Variants in NAALADL2 observed in about 807,000 individuals in gnomAD.
NAALADL2 encodes the protein inactive N-acetylated-alpha-linked acidic dipeptidase-like protein 2.
In NAALADL2, 76 loss-of-function variants were observed where a neutral mutation model predicts 87.2. That is an observed-to-expected ratio of 0.87 (90% CI 0.72 to 1.05). NAALADL2 has a LOEUF of 1.05. NAALADL2 is among the 50% of genes least tolerant of loss of function. The probability of loss-of-function intolerance (pLI) is 0.00; values close to 1 mark genes in which losing one functional copy is unlikely to be tolerated. For missense variants in NAALADL2, 1,089 were observed against 945.8 expected (o/e 1.15, Z -1.99); for synonymous variants, 354 against 331.0 (o/e 1.07, Z -0.75).
In NAALADL2 at chr3:175,279,622, G is replaced by A. The variant is rs1395458532; in HGVS notation, c.939+23092G>A. Among the ~76,000 whole-genome samples, 3 of 151,686 alleles carry A rather than the reference G, an allele frequency of 2.0e-5. No homozygotes were observed. The South Asian group carries it at 6.2e-4, about 32-fold the overall frequency. Reference sequence around the variant, plus strand: ...TTAATTCCTAGTTCAAACCATCTGGGCTTTTTTTATGGCAGTAGATATTAC... The same window carrying A: ...TTAATTCCTAGTTCAAACCATCTGGACTTTTTTTATGGCAGTAGATATTAC... On this transcript the variant is annotated intron_variant, in intron 4 of 13. Coordinates refer to ENST00000454872, the MANE Select transcript of NAALADL2 (RefSeq NM_207015.3).
At chr3:175,697,829 A>ATGTGTATTTATGTATACATATATATGTG (rs1394680940) in intron 11 of NAALADL2, among the ~76,000 whole-genome samples, 3 of 102,012 alleles carry the variant, frequency 2.9e-5, no homozygotes, top group African/African-American at 1.1e-4. Flanking sequence ...ATACATATAT[A>ATGTGTATTTATGTATACATATATATGTG]TGTGTATTTA....
rs144724317 is a variant in NAALADL2 at position 175,351,652 on chromosome 3, T to C, written c.1090+27327T>C. Among the ~76,000 whole-genome samples the C allele has an allele frequency of 1.7e-3, 260 of 152,162 alleles. 1 individual carries two copies. The highest frequency in any genetic ancestry group is 6.0e-3 in the African/African-American group (251 of 41,522). ...TGGACTGGCAGGAAAGCTGGTGAAT[T>C]TGCGTACGTGTGGCAATCAGTAGGT... On this transcript the variant is annotated intron_variant, in intron 5 of 13. Coordinates refer to ENST00000454872, the MANE Select transcript of NAALADL2 (RefSeq NM_207015.3).
At chr3:175,166,521 T>A (rs2108879273) in intron 2 of NAALADL2, among the ~76,000 whole-genome samples, 1 of 152,120 alleles carries the variant, frequency 6.6e-6, no homozygotes, top group Non-Finnish European at 1.5e-5. Flanking sequence ...GACAACTATT[T>A]CCTTATTAAG....
chr3:175,241,855 A>ATTTTTTTTTTTTTTTTTTTTTTTTTTTT (rs779567135), intron 3 of NAALADL2, among the ~76,000 whole-genome samples: 5 of 83,812 alleles, frequency 6.0e-5, no homozygotes, highest in Non-Finnish European at 8.5e-5. Flanking sequence ...TGGATGCTGA[A>ATTTTTTTTTTTTTTTTTTTTTTTTTTTT]TTTTTTTTTT....
At chr3:174,712,019 C>T (rs1033170487) in intron 2 of NAALADL2, among the ~76,000 whole-genome samples, 1 of 151,932 alleles carries the variant, frequency 6.6e-6, no homozygotes, top group Non-Finnish European at 1.5e-5. Flanking sequence ...GAACTCCTGA[C>T]CTTGTGATCC....
chr3:175,552,931 G>A (rs1185453503), intron 9 of NAALADL2, among the ~76,000 whole-genome samples: 3 of 151,840 alleles, frequency 2.0e-5, no homozygotes, highest in East Asian at 1.9e-4. Flanking sequence ...GTGACAAATA[G>A]GTTATTTTTA....
chr3:174,692,690 G>T (rs937505972), intron 2 of NAALADL2, among the ~76,000 whole-genome samples: 17 of 152,124 alleles, frequency 1.1e-4, no homozygotes, highest in African/African-American at 4.1e-4. Flanking sequence ...GCCCATTCAT[G>T]TTTCAGAATT....
intron 10 of NAALADL2, among the ~76,000 whole-genome samples, chr3:175,604,763 G>C (rs943881782): frequency 6.6e-6 from 1 of 152,118 alleles, no homozygotes; most frequent in African/African-American, 2.4e-5. Context: ...ATATGAATCA[G>C]TGAAAATTAA....
intron 1 of NAALADL2, among the ~76,000 whole-genome samples, chr3:174,965,242 C>T (rs1742699884): frequency 6.6e-6 from 1 of 152,098 alleles, no homozygotes; most frequent in Non-Finnish European, 1.5e-5. Context: ...TTCCTTGCAC[C>T]TAAGCCTTTC....
chr3:175,439,590 T>A (rs977128303), intron 5 of NAALADL2, among the ~76,000 whole-genome samples: 1 of 152,018 alleles, frequency 6.6e-6, no homozygotes, highest in Non-Finnish European at 1.5e-5. Flanking sequence ...TCCATTATCA[T>A]TAGTGATGTT....
chr3:175,364,083 C>A (rs1360917447), intron 5 of NAALADL2, among the ~76,000 whole-genome samples: 2 of 147,542 alleles, frequency 1.4e-5, no homozygotes, highest in Non-Finnish European at 3.0e-5. Flanking sequence ...TGAAGACTTA[C>A]CCCTGACCAA....
At chr3:175,278,697 A>G (rs943212674) in intron 4 of NAALADL2, among the ~76,000 whole-genome samples, 3 of 152,190 alleles carry the variant, frequency 2.0e-5, no homozygotes, top group African/African-American at 4.8e-5. Flanking sequence ...CCACAAACCT[A>G]TTTTTAAGGT....
intron 1 of NAALADL2, among the ~76,000 whole-genome samples, chr3:175,046,517 G>A (rs1455804995): frequency 6.6e-6 from 1 of 152,082 alleles, no homozygotes; most frequent in African/African-American, 2.4e-5. Context: ...TTTCATCGAA[G>A]CCCTCTCCAT....
intron 5 of NAALADL2, among the ~76,000 whole-genome samples, chr3:175,355,564 C>G (rs183798561): frequency 1.3e-5 from 2 of 152,104 alleles, no homozygotes; most frequent in Non-Finnish European, 1.5e-5. Context: ...TGAGTCTCAG[C>G]TTGGACATCA....
intron 1 of NAALADL2, among the ~76,000 whole-genome samples, chr3:174,519,486 C>T (rs1007192858): frequency 2.0e-5 from 3 of 151,848 alleles, no homozygotes; most frequent in African/African-American, 7.3e-5. Context: ...CATGCGACAC[C>T]ACACCCAGCT....
At chr3:175,786,718 T>A (rs1752018987) in intron 13 of NAALADL2, among the ~76,000 whole-genome samples, 1 of 152,232 alleles carries the variant, frequency 6.6e-6, no homozygotes, top group Non-Finnish European at 1.5e-5. Context: ...TCATTCTCCA[T>A]CCAGCTTTGT....
At chr3:174,463,280 A>G (rs909968436) in intron 1 of NAALADL2, among the ~76,000 whole-genome samples, 6 of 152,174 alleles carry the variant, frequency 3.9e-5, no homozygotes, top group Admixed American at 2.6e-4. Context: ...TTGTCCTGCT[A>G]TGTAGAAAGC....
intron 1 of NAALADL2, among the ~76,000 whole-genome samples, chr3:174,949,997 A>G (rs1237764818): frequency 6.6e-6 from 1 of 152,188 alleles, no homozygotes; most frequent in Non-Finnish European, 1.5e-5. Flanking sequence ...TAAGCAAACT[A>G]CAGCCAGCAG....
chr3:174,485,801 T>G (rs1717819053), intron 1 of NAALADL2, among the ~76,000 whole-genome samples: 1 of 152,180 alleles, frequency 6.6e-6, no homozygotes, highest in Non-Finnish European at 1.5e-5. Context: ...AATAAACATA[T>G]GCATGCCCGT....
Sources: gnomAD v4.1 joint callset for allele counts (sites outside exome capture counted in the v4.1 genomes callset) on GRCh38, gnomAD v4.1.1 for gene constraint, MANE v1.5 for transcripts, NCBI Gene and HGNC (gene_info 2026-07-23, HGNC 2026-07-21) for gene names.